The following CTNNA1 variants were observed in gnomAD, a reference collection of about 807,000 sequenced individuals.
CTNNA1 encodes the protein catenin alpha-1.
Under a neutral mutation model 98.4 loss-of-function variants are expected in CTNNA1, and 37 were observed. The ratio of observed to expected loss-of-function variants is 0.38; its 90% CI spans 0.29 to 0.49. The LOEUF is 0.49. Among genes scored for constraint, CTNNA1 ranks in the 20% least tolerant of loss-of-function variants. The pLI is 0.95. For missense variants in CTNNA1, 761 were observed against 1,147.2 expected (o/e 0.66, Z 4.86); for synonymous variants, 404 against 413.2 (o/e 0.98, Z 0.27).
intron 7 of CTNNA1, among the ~76,000 whole-genome samples, chr5:138,843,410 A>C (rs1389209990): frequency 6.6e-6 from 1 of 152,114 alleles, no homozygotes; most frequent in Non-Finnish European, 1.5e-5. Flanking sequence ...AGTCCTTGCC[A>C]TATGTACACC....
At chr5:138,919,545 AAG>A (rs1387452429) in intron 11 of CTNNA1, among the ~76,000 whole-genome samples, 1 of 152,262 alleles carries the variant, frequency 6.6e-6, no homozygotes, top group African/African-American at 2.4e-5. Context: ...AAGAATGGAA[AAG>A]AGAAATCAAA....
rs769235447 is a variant in CTNNA1 at position 138,924,641 on chromosome 5, A to T, written c.1678A>T (p.Met560Leu). 5 of 1,611,562 alleles carry T rather than the reference A, an allele frequency of 3.1e-6. No individual in the cohort carries two copies. The highest frequency in any genetic ancestry group is 4.2e-6 in the Non-Finnish European group (5 of 1,178,892). Residue 560 changes from methionine to leucine, a missense_variant, in exon 12 of 18, where the codon ATG becomes TTG. Transcript: ENST00000302763. The stretch of plus-strand genomic sequence containing the variant: ...GGTCATTCACGTAGTCACCTCAGAG[A>T]TGGACAACTATGAGCCAGGAGTCTA... ...ARVIHVVTSEMDNYEPGVYTE... is the reference protein window; with the variant it reads ...ARVIHVVTSELDNYEPGVYTE...
At position 138,873,303 on chromosome 5, in the gene CTNNA1, T is replaced by C; in HGVS notation, c.1063-12909T>C. On this transcript the variant is annotated intron_variant, in intron 7 of 17. Coordinates refer to ENST00000302763, the MANE Select transcript of CTNNA1 (RefSeq NM_001903.5). The surrounding 1 kb of genome is among the most constrained non-coding windows in gnomAD (Gnocchi z 6.1). ...ATTGTTCCCGTAATTACCCGCTGAG[T>C]GAAGATGGCATTGTCTGGTTCAGGA... 1 of 1,614,004 alleles carries C rather than the reference T, an allele frequency of 6.2e-7. No individual in the cohort carries two copies. The highest frequency in any genetic ancestry group is 8.5e-7 in the Non-Finnish European group (1 of 1,179,868).
At chr5:138,917,020 C>T (rs1472590144) in intron 10 of CTNNA1, among the ~76,000 whole-genome samples, 12 of 152,102 alleles carry the variant, frequency 7.9e-5, no homozygotes, top group South Asian at 2.1e-4. Context: ...GTGATTTGAC[C>T]GCCTTGGCCT....
At chr5:138,887,869 C>T in intron 9 of CTNNA1, 1 of 362,836 alleles carries the variant, frequency 2.8e-6, no homozygotes, top group Non-Finnish European at 4.9e-6. Context: ...TCCTAGAAGC[C>T]TAACATCTCC....
chr5:138,790,217 C>T (rs1187531086), intron 3 of CTNNA1, among the ~76,000 whole-genome samples: 1 of 152,146 alleles, frequency 6.6e-6, no homozygotes, highest in African/African-American at 2.4e-5. Context: ...TGTTAACTGC[C>T]AGCAGGGCCT....
intron 7 of CTNNA1, among the ~76,000 whole-genome samples, chr5:138,858,120 TA>T (rs548390992): frequency 0.032 from 3,710 of 116,406 alleles, 64 homozygotes; most frequent in Admixed American, 0.05. Flanking sequence ...TAATTAGAGT[TA>T]AAAAAAATTT....
intron 1 of CTNNA1, among the ~76,000 whole-genome samples, chr5:138,777,064 G>C (rs1397480339): frequency 1.1e-4 from 17 of 151,940 alleles, no homozygotes; most frequent in African/African-American, 4.1e-4. Flanking sequence ...TCCCAGACGG[G>C]GTGGCTGCCG....
intron 7 of CTNNA1, among the ~76,000 whole-genome samples, chr5:138,837,539 C>G (rs1159324363): frequency 1.5e-5 from 2 of 130,200 alleles, no homozygotes; most frequent in Admixed American, 1.6e-4. Flanking sequence ...CCTCCCCCCC[C>G]TTTCCCCACT....
At chr5:138,836,957 A>G (rs1379020951) in intron 7 of CTNNA1, among the ~76,000 whole-genome samples, 3 of 152,224 alleles carry the variant, frequency 2.0e-5, no homozygotes, top group Non-Finnish European at 4.4e-5. Context: ...AAAAACTTAG[A>G]CCGTTAGATT....
intron 7 of CTNNA1, chr5:138,871,479 A>C (rs1468229967): frequency 6.6e-6 from 1 of 152,246 alleles, no homozygotes; most frequent in Non-Finnish European, 1.5e-5. Context: ...TCTTTTCTGC[A>C]TGAAAAATGT....
intron 3 of CTNNA1, among the ~76,000 whole-genome samples, chr5:138,802,888 C>T (rs1240549855): frequency 6.6e-6 from 1 of 151,924 alleles, no homozygotes; most frequent in Non-Finnish European, 1.5e-5. Context: ...GCCTTGACCT[C>T]GTGTGCTTAA....
chr5:138,773,673 G>A (rs1300828525), intron 1 of CTNNA1, among the ~76,000 whole-genome samples: 2 of 151,404 alleles, frequency 1.3e-5, no homozygotes, highest in East Asian at 1.9e-4. Context: ...GCCTTAACTC[G>A]TTTAGAAGCA....
chr5:138,765,448 C>T (rs1328532517), intron 1 of CTNNA1, among the ~76,000 whole-genome samples: 1 of 152,138 alleles, frequency 6.6e-6, no homozygotes, highest in African/African-American at 2.4e-5. Flanking sequence ...TCCCAATGTG[C>T]TGGGATTATA....
intron 7 of CTNNA1, among the ~76,000 whole-genome samples, chr5:138,883,490 G>A (rs560951438): frequency 5.9e-5 from 9 of 152,278 alleles, no homozygotes; most frequent in Admixed American, 3.9e-4. Context: ...TTCATGGTGT[G>A]GGTTGCATTG....
At chr5:138,786,667 G>A (rs1755746411) in intron 3 of CTNNA1, among the ~76,000 whole-genome samples, 1 of 152,114 alleles carries the variant, frequency 6.6e-6, no homozygotes, top group Non-Finnish European at 1.5e-5. Flanking sequence ...GCTATGTCTT[G>A]AGTGCACTCA....
At chr5:138,762,496 T>A (rs1022136169) in intron 1 of CTNNA1, among the ~76,000 whole-genome samples, 2 of 151,992 alleles carry the variant, frequency 1.3e-5, no homozygotes, top group Admixed American at 6.6e-5. Flanking sequence ...AGTTTTTTTT[T>A]ATAACTATCA....
chr5:138,774,501 G>A (rs1237811416), intron 1 of CTNNA1, among the ~76,000 whole-genome samples: 2 of 152,164 alleles, frequency 1.3e-5, no homozygotes, highest in African/African-American at 4.8e-5. Flanking sequence ...TGATGAACAA[G>A]TGGGCACAAG....
At chr5:138,825,482 G>GTTTTTGTTTTTTTTTT (rs1760583498) in intron 6 of CTNNA1, among the ~76,000 whole-genome samples, 1 of 74,114 alleles carries the variant, frequency 1.3e-5, no homozygotes, top group Non-Finnish European at 2.4e-5. Context: ...AGCAGTATAA[G>GTTTTTGTTTTTTTTTT]TTTTTTTTTT....
Sources: allele counts gnomAD v4.1 joint callset (sites outside exome capture counted in the v4.1 genomes callset), GRCh38; gene constraint gnomAD v4.1.1; non-coding constraint Gnocchi (gnomAD v3.1); transcripts MANE v1.5; gene names NCBI Gene and HGNC (gene_info 2026-07-23, HGNC 2026-07-21).